PLAAT2: variants seen among roughly 807,000 people sequenced by gnomAD.
PLAAT2 encodes the protein HRAS like suppressor 2.
Under a neutral mutation model 12.8 loss-of-function variants are expected in PLAAT2, and 12 were observed. The observed-to-expected ratio is 0.94, with a 90% CI of 0.60 to 1.52. The LOEUF is 1.52. PLAAT2 is among the 40% of genes most tolerant of loss of function. PLAAT2 has a pLI of 0.00. For missense variants in PLAAT2, 166 were observed against 208.1 expected, an observed-to-expected ratio of 0.80 and a Z score of 1.24; for synonymous variants, 79 against 86.8, an observed-to-expected ratio of 0.91 and a Z score of 0.50.
rs1590670423 is a variant in PLAAT2, at chr11:63,558,502, C to T, written c.277G>A (p.Val93Ile). ...RYTPLPSNKI[V>I]KRAEELVGQE... ...CCCACCAACTCCTCTGCCCGCTTGA[C>T]GATTTTGTTGGAAGGCAGTGGTGTG... is the stretch of plus-strand genomic sequence containing the variant. The change falls in exon 3 of 4, where the codon GTC (valine) becomes ATC (isoleucine). Residue 93 changes from valine (V) to isoleucine (I), a missense_variant. Physicochemically the swap from Val to Ile is conservative, Grantham distance 29. Coordinates refer to ENST00000255695, the MANE Select transcript of PLAAT2 (RefSeq NM_017878.2). 10 of 1,614,104 alleles carry T rather than the reference C, an allele frequency of 6.2e-6. No individual in the cohort carries two copies. Among genetic ancestry groups the T allele is most frequent in the South Asian group, 1.1e-5 (1 of 91,090 alleles).
At chr11:63,561,644 CAAAAAAAAAAAA>C (rs61140464) in intron 1 of PLAAT2, among the ~76,000 whole-genome samples, 31 of 36,002 alleles carry the variant, frequency 8.6e-4, no homozygotes, top group Admixed American at 1.9e-3. Context: ...GACTCCATCA[CAAAAAAAAAAAA>C]AAAAAAAAAA....
At chr11:63,555,253 C>T (rs955869348) in intron 3 of PLAAT2, among the ~76,000 whole-genome samples, 1 of 152,310 alleles carries the variant, frequency 6.6e-6, no homozygotes, top group African/African-American at 2.4e-5. Flanking sequence ...AAGGGATATA[C>T]AGTCAGCCCT....
At chr11:63,556,841 C>G in intron 3 of PLAAT2, among the ~76,000 whole-genome samples, 1 of 152,190 alleles carries the variant, frequency 6.6e-6, no homozygotes, top group Non-Finnish European at 1.5e-5. Flanking sequence ...AAGAGGGCTT[C>G]AGAAAGGAAT....
rs540822490 is a variant in PLAAT2, at chr11:63,560,268, G to A, written c.10-75C>T. The A allele has an allele frequency of 6.9e-5, 74 of 1,079,850 alleles. No individual in the cohort carries two copies. In the East Asian group the frequency reaches 1.7e-3, roughly 24 times the overall value. The allele number at this position is 1,079,850 out of a possible 1,614,324, so 66.9% of individuals were successfully genotyped here. ...CATTCTAGGGCCTGACCTGCAAGGA[G>A]CCCCAGCTCAGCCTGCAGATTCCCT... is the stretch of plus-strand genomic sequence containing the variant. On this transcript the variant is annotated intron_variant, in intron 1 of 3. Transcript: ENST00000255695.
At chr11:63,557,137 A>G (rs565241745) in intron 3 of PLAAT2, among the ~76,000 whole-genome samples, 3 of 152,240 alleles carry the variant, frequency 2.0e-5, no homozygotes, top group South Asian at 2.1e-4. Context: ...GTAATATGCA[A>G]TATACCAAAA....
chr11:63,561,052 C>T (rs979401125), intron 1 of PLAAT2, among the ~76,000 whole-genome samples: 2 of 152,210 alleles, frequency 1.3e-5, no homozygotes, highest in African/African-American at 4.8e-5. Flanking sequence ...CCCTCCTCCC[C>T]CTATCTCAGC....
intron 3 of PLAAT2, among the ~76,000 whole-genome samples, chr11:63,553,824 C>G (rs1046899647): frequency 6.6e-6 from 1 of 152,070 alleles, no homozygotes; most frequent in African/African-American, 2.4e-5. Flanking sequence ...GCAGGGAGCT[C>G]GCCTGGATTG....
upstream of PLAAT2, among the ~76,000 whole-genome samples, chr11:63,565,024 A>G (rs532376755): frequency 8.5e-5 from 13 of 152,240 alleles, no homozygotes; most frequent in South Asian, 2.1e-4. Flanking sequence ...AATTATGTCC[A>G]GGAGCTATAG....
chr11:63,561,238 T>C (rs117396969), intron 1 of PLAAT2, among the ~76,000 whole-genome samples: 2,842 of 152,324 alleles, frequency 0.019, 52 homozygotes, highest in South Asian at 0.025. Context: ...TCAAACATCC[T>C]ATGTTCTCAC....
intron 3 of PLAAT2, among the ~76,000 whole-genome samples, chr11:63,555,188 A>G (rs1402618387): frequency 6.6e-6 from 1 of 152,174 alleles, no homozygotes; most frequent in Non-Finnish European, 1.5e-5. Context: ...CTTCCTGATG[A>G]TTATATTTCA....
At chr11:63,556,629 C>T (rs1385220280) in intron 3 of PLAAT2, among the ~76,000 whole-genome samples, 2 of 152,132 alleles carry the variant, frequency 1.3e-5, no homozygotes, top group Non-Finnish European at 2.9e-5. Flanking sequence ...CAGTTAATAG[C>T]GTGGTCTCCC....
intron 1 of PLAAT2, among the ~76,000 whole-genome samples, chr11:63,562,188 C>A (rs952767893): frequency 6.6e-6 from 1 of 152,194 alleles, no homozygotes; most frequent in African/African-American, 2.4e-5. Context: ...AAAGGCTGTA[C>A]AGATGGGAAG....
chr11:63,554,054 G>A (rs2017443240), intron 3 of PLAAT2, among the ~76,000 whole-genome samples: 1 of 151,852 alleles, frequency 6.6e-6, no homozygotes, highest in African/African-American at 2.4e-5. Context: ...GGTGTGCTCG[G>A]CACAGCTTTT....
Position 63,553,044 on chromosome 11 carries a change from CTGTCG to C in PLAAT2, c.404_408del (p.Thr135SerfsTer45). 1.2e-6 allele frequency: 2 copies of C among 1,613,338 alleles called. No individual in the cohort carries two copies. The highest frequency in any genetic ancestry group is 1.7e-6 in the Non-Finnish European group (2 of 1,179,504). ...GCCAGCAGGCCTGCTGCCACACCTA[CTGTCG>C]TGACTGCACCAGTGACCTGCAGCAG... is the stretch of plus-strand genomic sequence containing the variant. On this transcript the variant is annotated frameshift_variant, in exon 4 of 4. Coordinates refer to ENST00000255695, the MANE Select transcript of PLAAT2 (RefSeq NM_017878.2). LOFTEE classifies it low-confidence loss of function (END_TRUNC).
At chr11:63,561,277 G>A (rs536063521) in intron 1 of PLAAT2, among the ~76,000 whole-genome samples, 5 of 152,312 alleles carry the variant, frequency 3.3e-5, no homozygotes, top group East Asian at 1.9e-4. Context: ...CTATGAGGAC[G>A]CAAAGGCATA....
chr11:63,558,778 T>A (rs1223945207), intron 2 of PLAAT2, 118 bp from the exon 3 acceptor site: 2 of 1,258,348 alleles, frequency 1.6e-6, no homozygotes, highest in Non-Finnish European at 2.2e-6. Context: ...GACTTGTCCA[T>A]CCTGCCTGGC....
intron 3 of PLAAT2, among the ~76,000 whole-genome samples, chr11:63,557,419 C>G (rs2017475826): frequency 6.6e-6 from 1 of 151,752 alleles, no homozygotes; most frequent in Non-Finnish European, 1.5e-5. Context: ...CCCAGCCACT[C>G]AGGAGACTGA....
At chr11:63,564,064 A>T (rs1157138761), upstream of PLAAT2, among the ~76,000 whole-genome samples, 1 of 152,200 alleles carries the variant, frequency 6.6e-6, no homozygotes, top group Non-Finnish European at 1.5e-5. Flanking sequence ...GGTTGCCGGG[A>T]CAGGCAAACA....
intron 3 of PLAAT2, among the ~76,000 whole-genome samples, chr11:63,556,058 G>A (rs2017463577): frequency 1.3e-5 from 2 of 152,210 alleles, no homozygotes; most frequent in Admixed American, 6.5e-5. Flanking sequence ...TTTGCCAGAA[G>A]CAGTGCTAGA....
Sources: gnomAD v4.1 joint callset for allele counts (sites outside exome capture counted in the v4.1 genomes callset) on GRCh38, gnomAD v4.1.1 for gene constraint, MANE v1.5 for transcripts, NCBI Gene and HGNC (gene_info 2026-07-23, HGNC 2026-07-21) for gene names.